LVRN: variants seen among roughly 807,000 people sequenced by gnomAD.
LVRN encodes the protein aminopeptidase Q.
In LVRN, 99 loss-of-function variants were observed where a neutral mutation model predicts 111.4. The ratio of observed to expected loss-of-function variants is 0.89; its 90% CI spans 0.76 to 1.05. The LOEUF (loss-of-function observed/expected upper bound fraction) is 1.05, where lower values mean the gene tolerates loss of function less well. Among genes scored for constraint, LVRN ranks in the 50% least tolerant of loss-of-function variants. The pLI, the probability that LVRN is intolerant of heterozygous loss-of-function variation, is 0.00. For synonymous variants in LVRN, 488 were observed against 449.5 expected (o/e 1.09, Z -1.08); for missense variants, 1,414 against 1,206.8 (o/e 1.17, Z -2.54).
At chr5:115,999,542 A>G (rs867702115) in intron 6 of LVRN, among the ~76,000 whole-genome samples, 1 of 152,236 alleles carries the variant, frequency 6.6e-6, no homozygotes, top group East Asian at 1.9e-4. Flanking sequence ...CTTTTTAAAA[A>G]CTGAAATGAA....
chr5:116,012,556 G>A lies in LVRN; in HGVS notation c.2342+88G>A, dbSNP rs1376000426. On this transcript the variant is annotated intron_variant, in intron 15 of 19. Transcript: ENST00000357872. ...GTAATAAAATAAAATCTTCATATCT[G>A]TTATTCATTGAGAGATTTTATATGC... 9 of 796,062 alleles carry A rather than the reference G, an allele frequency of 1.1e-5. No homozygotes were observed. In the East Asian group the frequency reaches 2.0e-4, roughly 18 times the overall value. 49.3% of individuals were successfully genotyped at this position (796,062 alleles called of 1,614,324 possible). A position where few individuals can be genotyped will look rare whatever the true frequency, so the allele number is the denominator to read the frequency against.
intron 3 of LVRN, among the ~76,000 whole-genome samples, chr5:115,984,913 G>T (rs2112573896): frequency 6.6e-6 from 1 of 152,316 alleles, no homozygotes; most frequent in African/African-American, 2.4e-5. Flanking sequence ...GGTTTTCACG[G>T]AAAGAGTCCA....
chr5:115,966,114 G>A (rs1452086827), intron 1 of LVRN, among the ~76,000 whole-genome samples: 1 of 152,094 alleles, frequency 6.6e-6, no homozygotes, highest in African/African-American at 2.4e-5. Context: ...ATATGTCTTT[G>A]TGTCATTTAT....
At chr5:115,966,542 C>A (rs1004518176) in intron 1 of LVRN, among the ~76,000 whole-genome samples, 1 of 152,172 alleles carries the variant, frequency 6.6e-6, no homozygotes, top group African/African-American at 2.4e-5. Flanking sequence ...GAGGCGGGGT[C>A]CCTCTATGTT....
intron 10 of LVRN, among the ~76,000 whole-genome samples, chr5:116,001,582 A>G (rs1333906631): frequency 6.6e-6 from 1 of 152,210 alleles, no homozygotes; most frequent in East Asian, 1.9e-4. Context: ...GCCATATATT[A>G]GTAAAGAGGA....
chr5:116,023,182 T>C (rs77477775), intron 19 of LVRN, among the ~76,000 whole-genome samples: 1 of 152,204 alleles, frequency 6.6e-6, no homozygotes, highest in Admixed American at 6.5e-5. Flanking sequence ...CCTGTGAATA[T>C]ATTTTTACCA....
At chr5:115,989,344 G>T (rs762297363) in intron 4 of LVRN, among the ~76,000 whole-genome samples, 16 of 152,044 alleles carry the variant, frequency 1.1e-4, no homozygotes, top group Non-Finnish European at 2.1e-4. Flanking sequence ...CCTTCCTCTT[G>T]TCTCCTCCAG....
chr5:116,006,071 A>G lies in LVRN; in HGVS notation c.2093+104A>G, dbSNP rs1748368322. 23 of 850,152 alleles carry G rather than the reference A, an allele frequency of 2.7e-5. No individual in the cohort carries two copies. In the South Asian group the frequency reaches 3.3e-4, roughly 12 times the overall value. 52.7% of individuals were successfully genotyped at this position (850,152 alleles called of 1,614,324 possible). A position where few individuals can be genotyped will look rare whatever the true frequency, so the allele number is the denominator to read the frequency against. On this transcript the variant is annotated intron_variant, in intron 13 of 19. Transcript: ENST00000357872. ...TTTGATTATTTAGTCTATACAGGCC[A>G]TAACTGATTAAGATTAGGATGAAAT...
intron 18 of LVRN, among the ~76,000 whole-genome samples, chr5:116,020,694 C>T (rs1748708533): frequency 6.6e-6 from 1 of 152,148 alleles, no homozygotes; most frequent in Non-Finnish European, 1.5e-5. Context: ...GGCCTGTTCC[C>T]ATGGCATGGA....
Position 116,012,300 on chromosome 5 carries a change from A to G in LVRN, c.2248-74A>G. 3.7e-6 allele frequency: 3 copies of G among 803,938 alleles called. No individual in the cohort carries two copies. The Admixed American group carries it at 7.7e-5, about 21-fold the overall frequency. 49.8% of individuals were successfully genotyped at this position (803,938 alleles called of 1,614,324 possible). A position where few individuals can be genotyped will look rare whatever the true frequency, so the allele number is the denominator to read the frequency against. The stretch of plus-strand genomic sequence containing the variant: ...TTGTCTATCAATGTCTTTTCAGATA[A>G]ATAAATAGAAACACAGTGAAAATTC... On this transcript the variant is annotated intron_variant, in intron 14 of 19. Coordinates refer to ENST00000357872, the MANE Select transcript of LVRN (RefSeq NM_173800.5).
Position 115,984,852 on chromosome 5 carries a change from T to G in LVRN, c.978+143T>G. ...TCCCAAGCCCTGTAAAAGTTCTTAG[T>G]GTGGCTTTGCAGAATGGGACATAAC... On this transcript the variant is annotated intron_variant, in intron 3 of 19. Transcript: ENST00000357872. The G allele has an allele frequency of 6.0e-6, 7 of 1,173,318 alleles. No homozygotes were observed. The South Asian group carries it at 9.8e-5, about 16-fold the overall frequency. 72.7% of individuals were successfully genotyped at this position (1,173,318 alleles called of 1,614,324 possible). A position where few individuals can be genotyped will look rare whatever the true frequency, so the allele number is the denominator to read the frequency against.
At chr5:116,008,604 T>TA (rs1748426387) in intron 13 of LVRN, among the ~76,000 whole-genome samples, 1 of 92,632 alleles carries the variant, frequency 1.1e-5, no homozygotes, top group Non-Finnish European at 2.5e-5. Context: ...ACATGAATGA[T>TA]TAAAAAAAAA....
intron 6 of LVRN, 123 bp from the exon 7 acceptor site, chr5:115,999,639 A>G: frequency 2.0e-6 from 2 of 1,021,468 alleles, no homozygotes; most frequent in Non-Finnish European, 2.9e-6. Flanking sequence ...ACTCAAAGAC[A>G]CTTCTCAATT....
chr5:115,983,507 TAGGC>T, intron 2 of LVRN, 78 bp downstream of exon 2: 1 of 1,454,928 alleles, frequency 6.9e-7, no homozygotes, highest in Non-Finnish European at 9.2e-7. Flanking sequence ...GTAGCTTTTC[TAGGC>T]AGTGTATTAT....
intron 1 of LVRN, among the ~76,000 whole-genome samples, chr5:115,980,946 G>A (rs979337294): frequency 2.6e-5 from 4 of 152,050 alleles, no homozygotes; most frequent in African/African-American, 9.7e-5. Context: ...TAGAATCACA[G>A]TTTTAGAGTT....
intron 17 of LVRN, 36 bp from the exon 18 acceptor site, chr5:116,015,592 G>A (rs765538244): frequency 1.3e-6 from 2 of 1,581,622 alleles, no homozygotes; most frequent in South Asian, 1.2e-5. Flanking sequence ...TATGTTGGAT[G>A]TTTAAAATGT....
In LVRN at chr5:115,993,737, A is replaced by G; in HGVS notation, c.1261-4A>G. On this transcript the variant is annotated splice_region_variant and splice_polypyrimidine_tract_variant and intron_variant, in intron 5 of 19. Transcript: ENST00000357872. ...AGCTCTTTTTTTCTTCTCATTTCCA[A>G]AAGTGGTTTGGAAACTTGGTTACCA... 1.3e-6 allele frequency: 2 copies of G among 1,588,234 alleles called. No individual in the cohort carries two copies. Among genetic ancestry groups the G allele is most frequent in the Non-Finnish European group, 1.7e-6 (2 of 1,166,684 alleles).
chr5:115,974,433 G>T (rs1041655625), intron 1 of LVRN: 2 of 152,224 alleles, frequency 1.3e-5, no homozygotes, highest in African/African-American at 4.8e-5. Context: ...CCTAGTTTAT[G>T]AAAGCAGGCA....
intron 6 of LVRN, chr5:115,995,559 A>T (rs144409229): frequency 6.6e-6 from 1 of 152,258 alleles, no homozygotes; most frequent in Non-Finnish European, 1.5e-5. Flanking sequence ...ATGACTTGCC[A>T]AAGGTAATTT....
Sources: gnomAD v4.1 joint callset for allele counts (sites outside exome capture counted in the v4.1 genomes callset) on GRCh38, gnomAD v4.1.1 for gene constraint, MANE v1.5 for transcripts, NCBI Gene and HGNC (gene_info 2026-07-23, HGNC 2026-07-21) for gene names.